The following MEI4 variants were observed in gnomAD, a reference collection of about 807,000 sequenced individuals.
MEI4 encodes meiotic double-stranded break formation protein 4.
Under a neutral mutation model 31.4 loss-of-function variants are expected in MEI4, and 27 were observed. The ratio of observed to expected loss-of-function variants is 0.86; its 90% CI spans 0.63 to 1.19. The LOEUF (loss-of-function observed/expected upper bound fraction) is 1.19, where lower values mean the gene tolerates loss of function less well. Ranked by LOEUF, MEI4 falls within the 50% of genes most tolerant of loss-of-function variation. MEI4 has a pLI of 0.00. For synonymous variants in MEI4, 122 were observed against 145.4 expected, an observed-to-expected ratio of 0.84 and a Z score of 1.16; for missense variants, 329 against 398.9, an observed-to-expected ratio of 0.82 and a Z score of 1.49.
intron 3 of MEI4, among the ~76,000 whole-genome samples, chr6:77,765,554 T>C (rs1175408060): frequency 6.8e-6 from 1 of 148,060 alleles, no homozygotes; most frequent in East Asian, 2.0e-4. Flanking sequence ...CTCCTAATGC[T>C]ATCCCTCTCC....
At chr6:77,829,309 G>A (rs1770025373) in intron 4 of MEI4, among the ~76,000 whole-genome samples, 1 of 152,152 alleles carries the variant, frequency 6.6e-6, no homozygotes, top group Admixed American at 6.6e-5. Context: ...ATTGGTGACA[G>A]CAAAAGAGTG....
chr6:77,892,625 T>C (rs750772707), intron 4 of MEI4, among the ~76,000 whole-genome samples: 45 of 152,080 alleles, frequency 3.0e-4, no homozygotes, highest in Non-Finnish European at 5.4e-4. Flanking sequence ...TGCATTCTAT[T>C]ACTCTCTCTG....
At chr6:77,743,887 A>G (rs1461475831) in intron 2 of MEI4, among the ~76,000 whole-genome samples, 3 of 152,334 alleles carry the variant, frequency 2.0e-5, no homozygotes, top group Middle Eastern at 3.4e-3. Flanking sequence ...AGCAAACTCC[A>G]ACAGACCTGC....
At chr6:77,836,535 A>G (rs1240501010) in intron 4 of MEI4, among the ~76,000 whole-genome samples, 2 of 152,180 alleles carry the variant, frequency 1.3e-5, no homozygotes, top group Admixed American at 6.5e-5. Flanking sequence ...AATAAAAGCT[A>G]AGCAATTCAT....
intron 1 of MEI4, among the ~76,000 whole-genome samples, chr6:77,680,224 AGCCGAGATC>A (rs1467336059): frequency 6.6e-6 from 1 of 150,880 alleles, no homozygotes; most frequent in Non-Finnish European, 1.5e-5. Flanking sequence ...GCTTGCAGTG[AGCCGAGATC>A]GCACCACCGC....
chr6:77,713,546 C>T (rs1179645545), intron 2 of MEI4, among the ~76,000 whole-genome samples: 1 of 152,142 alleles, frequency 6.6e-6, no homozygotes, highest in Non-Finnish European at 1.5e-5. Context: ...ATCATGGCCA[C>T]ATTCTCCAGT....
chr6:77,897,805 A>G (rs1766114761), intron 4 of MEI4, among the ~76,000 whole-genome samples: 2 of 151,780 alleles, frequency 1.3e-5, no homozygotes, highest in Admixed American at 1.3e-4. Flanking sequence ...TGATTCACCA[A>G]TCTATACCCC....
chr6:77,660,977 C>T (rs1581997587), intron 1 of MEI4, among the ~76,000 whole-genome samples: 1 of 152,082 alleles, frequency 6.6e-6, no homozygotes, highest in African/African-American at 2.4e-5. Context: ...AGCAGCCTGG[C>T]GAATTTCCTG....
rs185825877 is a variant in MEI4 at position 77,900,171 on chromosome 6, G to A, written c.901-22918G>A. Among the ~76,000 whole-genome samples the A allele has an allele frequency of 2.6e-5, 4 of 152,054 alleles. No homozygotes were observed. In the East Asian group the frequency reaches 7.7e-4, roughly 29 times the overall value. On this transcript the variant is annotated intron_variant, in intron 4 of 4. Coordinates refer to ENST00000684080, the MANE Select transcript of MEI4 (RefSeq NM_001322247.2). ...ATTATTGGCAAGGATGCAGAGTAAA[G>A]GGAACTCTTATACACTGTTTGTAGA...
intron 3 of MEI4, among the ~76,000 whole-genome samples, chr6:77,817,932 C>G (rs1301324187): frequency 2.0e-5 from 3 of 152,152 alleles, no homozygotes; most frequent in African/African-American, 7.2e-5. Context: ...CTTCTTTCTG[C>G]TCACTGTCCA....
chr6:77,866,196 T>A (rs905540082), intron 4 of MEI4, among the ~76,000 whole-genome samples: 6 of 151,862 alleles, frequency 4.0e-5, no homozygotes, highest in African/African-American at 1.5e-4. Context: ...CTCTCACCAC[T>A]CCTATTCAAC....
At chr6:77,729,495 A>C (rs1440711109) in intron 2 of MEI4, among the ~76,000 whole-genome samples, 2 of 152,200 alleles carry the variant, frequency 1.3e-5, no homozygotes, top group South Asian at 2.1e-4. Context: ...TCCAAAAAGT[A>C]AGTCAGTCTA....
chr6:77,744,214 G>A (rs1350542583), intron 2 of MEI4, among the ~76,000 whole-genome samples: 1 of 151,864 alleles, frequency 6.6e-6, no homozygotes, highest in Non-Finnish European at 1.5e-5. Flanking sequence ...GAAGTTAAAA[G>A]CTTTGAAAAA....
At chr6:77,859,125 T>A (rs1196969091) in intron 4 of MEI4, among the ~76,000 whole-genome samples, 1 of 152,148 alleles carries the variant, frequency 6.6e-6, no homozygotes, top group Non-Finnish European at 1.5e-5. Flanking sequence ...GTGTTTGGTT[T>A]TCTGTTTCTG....
chr6:77,780,386 T>G (rs1469812806), intron 3 of MEI4, among the ~76,000 whole-genome samples: 1 of 152,168 alleles, frequency 6.6e-6, no homozygotes, highest in African/African-American at 2.4e-5. Context: ...TCAAAGCCTT[T>G]GTCATTAAAT....
chr6:77,854,902 A>G (rs934332274), intron 4 of MEI4, among the ~76,000 whole-genome samples: 1 of 151,042 alleles, frequency 6.6e-6, no homozygotes, highest in African/African-American at 2.4e-5. Context: ...AACTAAAATG[A>G]AAACCTCACT....
At chr6:77,875,059 C>T (rs746852865) in intron 4 of MEI4, among the ~76,000 whole-genome samples, 1 of 152,062 alleles carries the variant, frequency 6.6e-6, no homozygotes. Context: ...TAACCCACCT[C>T]ATGCTAATTT....
chr6:77,905,204 ATTGT>A (rs1766267032), intron 4 of MEI4, among the ~76,000 whole-genome samples: 1 of 150,718 alleles, frequency 6.6e-6, no homozygotes, highest in Non-Finnish European at 1.5e-5. Context: ...TTTTGGGGGG[ATTGT>A]TTGTTTTTTC....
chr6:77,674,995 GTTCA>G (rs1768814258), intron 1 of MEI4, among the ~76,000 whole-genome samples: 1 of 147,378 alleles, frequency 6.8e-6, no homozygotes, highest in Non-Finnish European at 1.5e-5. Context: ...GATGTAACTA[GTTCA>G]TTTATTTTTC....
Sources: gnomAD v4.1 joint callset for allele counts (sites outside exome capture counted in the v4.1 genomes callset) on GRCh38, gnomAD v4.1.1 for gene constraint, MANE v1.5 for transcripts, NCBI Gene and HGNC (gene_info 2026-07-23, HGNC 2026-07-21) for gene names.